Variants in SSX7 observed in about 807,000 individuals in gnomAD.
The protein encoded by SSX7 is protein SSX7.
A neutral mutation model predicts 14.7 loss-of-function variants in SSX7; 15 were observed. The ratio of observed to expected loss-of-function variants is 1.02; its 90% CI spans 0.68 to 1.58. SSX7 has a LOEUF of 1.58. SSX7 is among the 40% of genes most tolerant of loss of function. SSX7 has a pLI of 0.00. For synonymous variants in SSX7, 46 were observed against 50.6 expected (o/e 0.91, Z 0.38); for missense variants, 178 against 146.8 (o/e 1.21, Z -1.10).
chrX:52,652,400 G>A (rs1300499790), intron 3 of SSX7, 53 bp from the exon 4 acceptor site: 31 of 930,119 alleles, frequency 3.3e-5, no homozygotes, highest in Non-Finnish European at 4.7e-5. Flanking sequence ...GACCTGTCAC[G>A]GTGGCTCATA....
chrX:52,651,556 G>T (rs1478075620), intron 4 of SSX7, among the ~76,000 whole-genome samples: 3 of 111,569 alleles, frequency 2.7e-5, no homozygotes, highest in Non-Finnish European at 5.6e-5. Context: ...TGCTAGGTTT[G>T]ATTTATTTAT....
At chrX:52,646,642 G>A (rs781811251) in intron 6 of SSX7, among the ~76,000 whole-genome samples, 2 of 111,926 alleles carry the variant, frequency 1.8e-5, no homozygotes, top group Admixed American at 9.5e-5. Flanking sequence ...AAACTTAATC[G>A]ATTAATGTTG....
At chrX:52,653,336 T>A in intron 2 of SSX7, 68 bp downstream of exon 2, 1 of 1,209,601 alleles carries the variant, frequency 8.3e-7, no homozygotes, top group Non-Finnish European at 1.1e-6. Flanking sequence ...TGTCCTCCCC[T>A]CCTCAGAAAC....
chrX:52,649,852 C>A (rs1556766794), intron 5 of SSX7, among the ~76,000 whole-genome samples: 1 of 112,334 alleles, frequency 8.9e-6, no homozygotes, highest in Admixed American at 9.5e-5. Context: ...GCTTGGAGCT[C>A]TGGATTAGAC....
chrX:52,649,553 G>C (rs1417210123), intron 5 of SSX7, among the ~76,000 whole-genome samples: 1 of 111,866 alleles, frequency 8.9e-6, no homozygotes, highest in Non-Finnish European at 1.9e-5. Flanking sequence ...CACTTGTGGG[G>C]TCACTCATTC....
chrX:52,653,122 C>T, intron 2 of SSX7, 138 bp from the exon 3 acceptor site: 1 of 1,170,166 alleles, frequency 8.5e-7, no homozygotes, highest in South Asian at 2.0e-5. Context: ...GCGACCTTTC[C>T]TAGCTTCACC....
Position 52,644,267 on chromosome X carries a change from A to G in SSX7, c.*408T>C. On this transcript the variant is annotated 3_prime_UTR_variant, in exon 8 of 8. Coordinates refer to ENST00000298181, the MANE Select transcript of SSX7 (RefSeq NM_173358.2). ...GTGTGTGTTTGTGTGTCTGGTGTGT[A>G]AATGCAGAGGGGAAAATCGGAAATT... 5.0e-6 allele frequency: 1 copy of G among 199,770 alleles called. No homozygotes were observed. Among genetic ancestry groups the G allele is most frequent in the Non-Finnish European group, 8.5e-6 (1 of 117,340 alleles). The allele number at this position is 199,770 out of a possible 1,213,427, so 16.5% of individuals were successfully genotyped here.
At chrX:52,649,457 C>A (rs1252808263) in intron 5 of SSX7, among the ~76,000 whole-genome samples, 1 of 112,129 alleles carries the variant, frequency 8.9e-6, no homozygotes, top group Non-Finnish European at 1.9e-5. Context: ...CAATTAATAC[C>A]TTTCATGATC....
rs1212260452 is a variant in SSX7, at chrX:52,648,316, T to A, written c.411A>T (p.Lys137Asn). The change falls in exon 6 of 8, where the codon AAA becomes AAT. Residue 137 changes from lysine to asparagine, a missense_variant. Transcript: ENST00000298181. ...PEASGSQNDG[K>N]HLCPPGKPST... ...TTGGTTTTCCTGGAGGGCACAGGTG[T>A]TTCCCATCGTTCTGTGAGCCAGATG... The A allele has an allele frequency of 1.2e-5, 15 of 1,210,175 alleles. No individual in the cohort carries two copies. In the East Asian group the frequency reaches 3.6e-4, roughly 29 times the overall value.
intron 1 of SSX7, among the ~76,000 whole-genome samples, chrX:52,654,530 G>T (rs1389163878): frequency 3.7e-5 from 4 of 107,801 alleles, no homozygotes; most frequent in African/African-American, 1.4e-4. Context: ...ACCGTACCCG[G>T]CCCAAATTTG....
At chrX:52,644,938 T>A (rs1171102302) in intron 7 of SSX7, among the ~76,000 whole-genome samples, 2 of 110,457 alleles carry the variant, frequency 1.8e-5, no homozygotes, top group Non-Finnish European at 3.8e-5. Context: ...GCATCCTGGG[T>A]AGGGAGCATT....
chrX:52,645,361 G>A (rs1556766205), intron 7 of SSX7, 78 bp downstream of exon 7: 2 of 1,204,089 alleles, frequency 1.7e-6, no homozygotes, highest in African/African-American at 3.5e-5. Flanking sequence ...TGGGGAGCAA[G>A]TGACAGATGG....
chrX:52,652,123 ATT>A (rs369179144), intron 4 of SSX7, 127 bp downstream of exon 4: 482 of 410,059 alleles, frequency 1.2e-3, no homozygotes, highest in Middle Eastern at 1.7e-3. Context: ...TCTGCATGCA[ATT>A]TTTTTTTTTT....
chrX:52,645,793 G>C (rs1436319206), intron 6 of SSX7, among the ~76,000 whole-genome samples: 1 of 111,022 alleles, frequency 9.0e-6, no homozygotes. Flanking sequence ...TTTCACTTAC[G>C]GGAACATCCA....
chrX:52,645,268 C>CA (rs879961299), intron 7 of SSX7, among the ~76,000 whole-genome samples, 171 bp downstream of exon 7: 3,859 of 66,262 alleles, frequency 0.058, 73 homozygotes, highest in African/African-American at 0.079. Flanking sequence ...GCGAATCCGT[C>CA]AAAAAAAAAA....
intron 3 of SSX7, 136 bp from the exon 4 acceptor site, chrX:52,652,483 G>A: frequency 2.0e-6 from 1 of 499,096 alleles, no homozygotes; most frequent in Non-Finnish European, 3.6e-6. Flanking sequence ...GCTGCAGTGA[G>A]CTATGACTGC....
chrX:52,651,205 T>A (rs1925414994), intron 4 of SSX7, among the ~76,000 whole-genome samples: 1 of 111,842 alleles, frequency 8.9e-6, no homozygotes, highest in African/African-American at 3.2e-5. Flanking sequence ...TCACGGAGAA[T>A]CAGGGTTCTT....
At position 52,646,512 on chromosome X, in the gene SSX7, C is replaced by T. The variant is rs782310973; in HGVS notation, c.467-969G>A. Among the ~76,000 whole-genome samples, 22 of 112,500 alleles carry T rather than the reference C, an allele frequency of 2.0e-4. No individual in the cohort carries two copies. The East Asian group carries it at 5.8e-3, about 30-fold the overall frequency. ...CACTTATCCTTGTGTTATAAACAAT[C>T]CAATTACACTCTTCTAGTTTTTTTA... On this transcript the variant is annotated intron_variant, in intron 6 of 7. Transcript: ENST00000298181.
At chrX:52,646,888 G>A (rs1245043619) in intron 6 of SSX7, among the ~76,000 whole-genome samples, 2 of 112,349 alleles carry the variant, frequency 1.8e-5, no homozygotes, top group African/African-American at 6.5e-5. Flanking sequence ...CTGAAAGCTC[G>A]GCCTCTTGCA....
Sources: gnomAD v4.1 joint callset for allele counts (sites outside exome capture counted in the v4.1 genomes callset) on GRCh38, gnomAD v4.1.1 for gene constraint, MANE v1.5 for transcripts, NCBI Gene and HGNC (gene_info 2026-07-23, HGNC 2026-07-21) for gene names.